The following NEK11 variants were observed in gnomAD, a reference collection of about 807,000 sequenced individuals.
NEK11 encodes NIMA related kinase 11, also known as serine/threonine-protein kinase Nek11.
A neutral mutation model predicts 80.7 loss-of-function variants in NEK11; 72 were observed. The ratio of observed to expected loss-of-function variants is 0.89; its 90% confidence interval spans 0.74 to 1.08. The LOEUF (loss-of-function observed/expected upper bound fraction) is 1.08, where lower values mean the gene tolerates loss of function less well. NEK11 is among the 50% of genes least tolerant of loss of function. NEK11 has a pLI of 0.00. For missense variants in NEK11, 764 were observed against 763.6 expected (o/e 1.00, Z -0.01); for synonymous variants, 251 against 260.7 (o/e 0.96, Z 0.36).
At chr3:131,116,281 C>T (rs1440402162) in intron 5 of NEK11, among the ~76,000 whole-genome samples, 1 of 152,046 alleles carries the variant, frequency 6.6e-6, no homozygotes, top group Non-Finnish European at 1.5e-5. Flanking sequence ...CAGCTTCTTC[C>T]ATGTCCCTAC....
At chr3:131,277,029 G>T (rs1431613206) in intron 17 of NEK11, among the ~76,000 whole-genome samples, 1 of 152,060 alleles carries the variant, frequency 6.6e-6, no homozygotes, top group African/African-American at 2.4e-5. Context: ...CTTACTGTGG[G>T]TTTGTCTGTT....
At chr3:131,178,084 A>T (rs1250031028) in intron 14 of NEK11, among the ~76,000 whole-genome samples, 2 of 152,238 alleles carry the variant, frequency 1.3e-5, no homozygotes, top group Non-Finnish European at 2.9e-5. Context: ...TAAACACAGA[A>T]AATAGACAGT....
intron 7 of NEK11, among the ~76,000 whole-genome samples, chr3:131,145,200 C>A (rs576052594): frequency 9.2e-5 from 14 of 152,090 alleles, no homozygotes; most frequent in African/African-American, 3.4e-4. Flanking sequence ...GAGATGCAGT[C>A]TTGCTATGTT....
At chr3:131,196,991 C>T (rs1255025791) in intron 14 of NEK11, among the ~76,000 whole-genome samples, 1 of 152,136 alleles carries the variant, frequency 6.6e-6, no homozygotes, top group Non-Finnish European at 1.5e-5. Context: ...GTCCCTCCCA[C>T]TGTGTTCTCA....
chr3:131,332,752 C>T (rs935514420), intron 17 of NEK11, among the ~76,000 whole-genome samples: 84 of 152,098 alleles, frequency 5.5e-4, no homozygotes, highest in African/African-American at 1.9e-3. Flanking sequence ...CTAGAATAAC[C>T]AATACAGAGA....
chr3:131,338,675 T>G (rs546686427), intron 17 of NEK11, among the ~76,000 whole-genome samples: 1 of 152,290 alleles, frequency 6.6e-6, no homozygotes, highest in South Asian at 2.1e-4. Flanking sequence ...AAGGAACAAA[T>G]TATAATACAC....
At chr3:131,227,122 G>A (rs556490160) in intron 14 of NEK11, among the ~76,000 whole-genome samples, 3 of 151,714 alleles carry the variant, frequency 2.0e-5, no homozygotes, top group Non-Finnish European at 2.9e-5. Context: ...TGCTTTCTAA[G>A]GAACTGGCAA....
chr3:131,220,431 C>A (rs765070940), intron 14 of NEK11, among the ~76,000 whole-genome samples: 2 of 152,122 alleles, frequency 1.3e-5, no homozygotes, highest in Non-Finnish European at 2.9e-5. Context: ...TGATGGCTGT[C>A]ATGTTAATAC....
At chr3:131,037,043 T>C (rs1261901777) in intron 3 of NEK11, among the ~76,000 whole-genome samples, 1 of 152,218 alleles carries the variant, frequency 6.6e-6, no homozygotes, top group Non-Finnish European at 1.5e-5. Context: ...CGGCCACTTG[T>C]TGGATATCTA....
chr3:131,316,415 T>C (rs962212152), intron 17 of NEK11, among the ~76,000 whole-genome samples: 1 of 152,188 alleles, frequency 6.6e-6, no homozygotes, highest in African/African-American at 2.4e-5. Flanking sequence ...ATTGAACCTA[T>C]TTCTCGAATG....
chr3:131,125,596 A>T (rs1202548811), intron 5 of NEK11, among the ~76,000 whole-genome samples: 1 of 151,958 alleles, frequency 6.6e-6, no homozygotes, highest in Non-Finnish European at 1.5e-5. Flanking sequence ...CTTAAAAAAA[A>T]CTCTCTAACC....
chr3:131,213,865 G>A lies in NEK11; in HGVS notation c.1400-14663G>A, dbSNP rs143763419. On this transcript the variant is annotated intron_variant, in intron 14 of 17. Transcript: ENST00000383366. ...CATCATATTGAAACCCTAATCCCCA[G>A]TGGGATGATATTTCGAGATGAGGCC... Among the ~76,000 whole-genome samples the A allele has an allele frequency of 9.1e-4, 139 of 152,282 alleles. 1 individual carries two copies. The highest frequency in any genetic ancestry group is 2.6e-3 in the Admixed American group (39 of 15,290).
intron 5 of NEK11, among the ~76,000 whole-genome samples, chr3:131,117,026 G>A (rs1235558908): frequency 1.3e-5 from 2 of 152,160 alleles, no homozygotes; most frequent in Non-Finnish European, 2.9e-5. Flanking sequence ...ATTGCTTTTG[G>A]TGTTTTAGTC....
At chr3:131,241,056 A>T (rs2095511310) in intron 15 of NEK11, among the ~76,000 whole-genome samples, 1 of 152,182 alleles carries the variant, frequency 6.6e-6, no homozygotes, top group Non-Finnish European at 1.5e-5. Context: ...TTTGGTTTTA[A>T]TGGATCTGTC....
chr3:131,230,885 C>T (rs1339575490), intron 15 of NEK11, among the ~76,000 whole-genome samples: 4 of 152,054 alleles, frequency 2.6e-5, no homozygotes, highest in African/African-American at 9.7e-5. Context: ...GGTGGTTTCC[C>T]CAGTACTGTT....
intron 17 of NEK11, chr3:131,325,087 G>C (rs1056983029): frequency 6.6e-6 from 1 of 152,160 alleles, no homozygotes; most frequent in Non-Finnish European, 1.5e-5. Flanking sequence ...ACACATCCAA[G>C]GAGATGTATG....
chr3:131,335,576 C>G (rs1274602989), intron 17 of NEK11, among the ~76,000 whole-genome samples: 1 of 152,168 alleles, frequency 6.6e-6, no homozygotes. Context: ...GATGCCCTCT[C>G]TCACCACTCC....
At chr3:131,236,040 C>A (rs1266244347) in intron 15 of NEK11, among the ~76,000 whole-genome samples, 2 of 152,106 alleles carry the variant, frequency 1.3e-5, no homozygotes, top group African/African-American at 4.8e-5. Context: ...AAAAGTAAAG[C>A]TAAAACTAGA....
chr3:131,258,723 C>G lies in NEK11; in HGVS notation c.1622-14755C>G, dbSNP rs1449078703. Among the ~76,000 whole-genome samples, 3 of 152,258 alleles carry G rather than the reference C, an allele frequency of 2.0e-5. No homozygotes were observed. In the East Asian group the frequency reaches 5.8e-4, roughly 29 times the overall value. On this transcript the variant is annotated intron_variant, in intron 16 of 17. Transcript: ENST00000383366. ...CTTAACTCTTGTTGTTTTTAATCAT[C>G]TATAAAATTCAGGTGAATATTTGCA...
Sources: gnomAD v4.1 joint callset for allele counts (sites outside exome capture counted in the v4.1 genomes callset) on GRCh38, gnomAD v4.1.1 for gene constraint, MANE v1.5 for transcripts, NCBI Gene and HGNC (gene_info 2026-07-23, HGNC 2026-07-21) for gene names.